Variants in TMEM108 observed in about 807,000 individuals in gnomAD.
TMEM108 encodes transmembrane protein 108.
A neutral mutation model predicts 35.1 loss-of-function variants in TMEM108; 12 were observed. The ratio of observed to expected loss-of-function variants is 0.34; its 90% CI spans 0.22 to 0.55. TMEM108 has a LOEUF of 0.55. Among genes scored for constraint, TMEM108 ranks in the 20% least tolerant of loss-of-function variants. TMEM108 has a pLI of 0.89. For synonymous variants in TMEM108, 287 were observed against 308.6 expected (o/e 0.93, Z 0.73); for missense variants, 680 against 753.3 (o/e 0.90, Z 1.14).
chr3:133,074,759 G>A (rs778264202), intron 2 of TMEM108, among the ~76,000 whole-genome samples: 1 of 152,176 alleles, frequency 6.6e-6, no homozygotes, highest in Non-Finnish European at 1.5e-5. Context: ...AAAGTGCTGG[G>A]ATTACAGGCG....
intron 2 of TMEM108, among the ~76,000 whole-genome samples, chr3:133,075,098 C>CGAA (rs1943724726): frequency 6.6e-6 from 1 of 152,174 alleles, no homozygotes; most frequent in African/African-American, 2.4e-5. Flanking sequence ...CTGTGCTTCT[C>CGAA]CACAGAGCAT....
At chr3:133,214,725 C>A (rs544428448) in intron 2 of TMEM108, among the ~76,000 whole-genome samples, 1 of 152,156 alleles carries the variant, frequency 6.6e-6, no homozygotes, top group Admixed American at 6.5e-5. Flanking sequence ...CTGTTAGGAA[C>A]CAGGATGCAT....
At chr3:133,055,652 C>T (rs1306997188) in intron 2 of TMEM108, among the ~76,000 whole-genome samples, 2 of 152,206 alleles carry the variant, frequency 1.3e-5, no homozygotes, top group African/African-American at 2.4e-5. Flanking sequence ...AGAGGCAGCT[C>T]CTCTCAGCCT....
intron 3 of TMEM108, among the ~76,000 whole-genome samples, chr3:133,233,570 G>A (rs62282260): frequency 0.32 from 48,275 of 151,746 alleles, 8,453 homozygotes; most frequent in East Asian, 0.47. Context: ...TGGGATGGCT[G>A]GGTCACATGG....
intron 2 of TMEM108, among the ~76,000 whole-genome samples, chr3:133,079,558 C>A (rs140274081): frequency 1.3e-5 from 2 of 152,298 alleles, no homozygotes; most frequent in East Asian, 3.9e-4. Flanking sequence ...CAAAGGTCCT[C>A]TCTGGAGTCC....
At chr3:133,224,770 A>C (rs6762234) in intron 2 of TMEM108, among the ~76,000 whole-genome samples, 2 of 152,112 alleles carry the variant, frequency 1.3e-5, no homozygotes, top group South Asian at 2.1e-4. Context: ...TTTATCAGCA[A>C]CATGAAAGCA....
At chr3:133,376,888 C>A (rs2072859006) in intron 3 of TMEM108, among the ~76,000 whole-genome samples, 1 of 152,148 alleles carries the variant, frequency 6.6e-6, no homozygotes, top group Non-Finnish European at 1.5e-5. Context: ...TTCCATAACA[C>A]AATACCACAG....
At chr3:133,074,181 T>A (rs1458738811) in intron 2 of TMEM108, 2 of 152,124 alleles carry the variant, frequency 1.3e-5, no homozygotes, top group Non-Finnish European at 2.9e-5. Context: ...TATTTCTTGG[T>A]ACATGGAACC....
In TMEM108 at chr3:133,251,046, G is replaced by T. The variant is rs117802779; in HGVS notation, c.40+21695G>T. Among the ~76,000 whole-genome samples, 184 of 152,250 alleles carry T rather than the reference G, an allele frequency of 1.2e-3. 4 individuals carry two copies. In the East Asian group the frequency reaches 0.027, roughly 23 times the overall value. On this transcript the variant is annotated intron_variant, in intron 3 of 5. Transcript: ENST00000321871. ...TGAGGTTTAGTTTTTGACTCATATA[G>T]CTTTGCTGGGTAGTCTGGGCTGGTG...
intron 2 of TMEM108, among the ~76,000 whole-genome samples, chr3:133,139,049 G>A (rs1312966582): frequency 6.6e-6 from 1 of 152,056 alleles, no homozygotes; most frequent in Non-Finnish European, 1.5e-5. Context: ...AGTTTGCTGA[G>A]AATGATGGTT....
intron 2 of TMEM108, among the ~76,000 whole-genome samples, chr3:133,195,229 G>T (rs184851575): frequency 2.4e-4 from 37 of 152,232 alleles, no homozygotes; most frequent in Admixed American, 1.1e-3. Flanking sequence ...AGCAATCCCT[G>T]AAGGTAATAC....
chr3:133,182,123 A>G (rs553565211), intron 2 of TMEM108, among the ~76,000 whole-genome samples: 1 of 152,308 alleles, frequency 6.6e-6, no homozygotes, highest in African/African-American at 2.4e-5. Flanking sequence ...TATCTGTCAG[A>G]TGTGTCAAGA....
intron 3 of TMEM108, among the ~76,000 whole-genome samples, chr3:133,300,524 A>G (rs1947206801): frequency 1.3e-5 from 2 of 152,172 alleles, no homozygotes; most frequent in Non-Finnish European, 2.9e-5. Context: ...ATACTCAGAA[A>G]GATCCCTGGA....
intron 2 of TMEM108, among the ~76,000 whole-genome samples, chr3:133,113,422 A>G (rs545419280): frequency 1.3e-5 from 2 of 152,344 alleles, no homozygotes; most frequent in Admixed American, 6.5e-5. Flanking sequence ...TCAGAGGATA[A>G]GTGGAACCCT....
chr3:133,353,658 G>T (rs946617684), intron 3 of TMEM108, among the ~76,000 whole-genome samples: 2 of 152,224 alleles, frequency 1.3e-5, no homozygotes, highest in Admixed American at 1.3e-4. Context: ...GACTGGCAAA[G>T]AAAGTCCTGG....
chr3:133,185,732 C>T (rs1945408626), intron 2 of TMEM108, among the ~76,000 whole-genome samples: 1 of 151,506 alleles, frequency 6.6e-6, no homozygotes, highest in African/African-American at 2.4e-5. Flanking sequence ...GCCTCCACTG[C>T]CTTTGGCCAA....
At position 133,370,486 on chromosome 3, in the gene TMEM108, T is replaced by A. The variant is rs113932961; in HGVS notation, c.41-9266T>A. On this transcript the variant is annotated intron_variant, in intron 3 of 5. Transcript: ENST00000321871. ...GCTGGCCTTGACCACCTGGCTGAGG[T>A]CGTGTCTCTCTGGTTCTCTACTGTA... Among the ~76,000 whole-genome samples, 245 of 152,238 alleles carry A rather than the reference T, an allele frequency of 1.6e-3. 3 individuals carry two copies. Among genetic ancestry groups the A allele is most frequent in the African/African-American group, 5.7e-3 (237 of 41,540 alleles).
At chr3:133,202,146 T>G (rs2107828253) in intron 2 of TMEM108, among the ~76,000 whole-genome samples, 1 of 141,392 alleles carries the variant, frequency 7.1e-6, no homozygotes, top group South Asian at 2.3e-4. Flanking sequence ...TTGATGGGGT[T>G]GTTTTTATTT....
chr3:133,271,387 G>A (rs536408247), intron 3 of TMEM108, among the ~76,000 whole-genome samples: 6 of 152,282 alleles, frequency 3.9e-5, no homozygotes, highest in African/African-American at 1.4e-4. Flanking sequence ...TCAATACTAT[G>A]TTCAAAACCT....
Sources: gnomAD v4.1 joint callset for allele counts (sites outside exome capture counted in the v4.1 genomes callset) on GRCh38, gnomAD v4.1.1 for gene constraint, MANE v1.5 for transcripts, NCBI Gene and HGNC (gene_info 2026-07-23, HGNC 2026-07-21) for gene names.